LAMA1: variants seen among roughly 807,000 people sequenced by gnomAD.
LAMA1 encodes laminin subunit alpha 1, also known as laminin subunit alpha-1.
A neutral mutation model predicts 348.7 loss-of-function variants in LAMA1; 219 were observed. The ratio of observed to expected loss-of-function variants is 0.63; its 90% confidence interval spans 0.56 to 0.70. LAMA1 has a LOEUF of 0.70. Among genes scored for constraint, LAMA1 ranks in the 30% least tolerant of loss-of-function variants. The pLI is 0.00. For synonymous variants in LAMA1, 1,487 were observed against 1,491.0 expected (o/e 1.00, Z 0.06); for missense variants, 3,744 against 3,888.0 (o/e 0.96, Z 0.99).
intron 28 of LAMA1, 132 bp from the exon 29 acceptor site, chr18:7,007,408 G>C: frequency 2.5e-6 from 2 of 802,386 alleles, no homozygotes; most frequent in Non-Finnish European, 3.8e-6. Flanking sequence ...ATCTCTATCA[G>C]AGAAATGCAA....
At chr18:7,013,461 G>A (rs570788800) in intron 23 of LAMA1, among the ~76,000 whole-genome samples, 1 of 152,146 alleles carries the variant, frequency 6.6e-6, no homozygotes, top group Non-Finnish European at 1.5e-5. Context: ...CAGCACATAC[G>A]GGAGCCCAAT....
chr18:7,044,658 A>C, intron 7 of LAMA1, 64 bp downstream of exon 7: 1 of 1,240,258 alleles, frequency 8.1e-7, no homozygotes, highest in South Asian at 1.2e-5. Flanking sequence ...TTGTTAAGAC[A>C]CCATAAACTT....
At chr18:7,034,374 A>C in intron 14 of LAMA1, 105 bp downstream of exon 14, 1 of 832,356 alleles carries the variant, frequency 1.2e-6, no homozygotes, top group Non-Finnish European at 2.0e-6. Flanking sequence ...CTGTGTCCTT[A>C]ATATAATGAA....
At chr18:7,061,624 T>C (rs1331949902) in intron 3 of LAMA1, among the ~76,000 whole-genome samples, 1 of 152,246 alleles carries the variant, frequency 6.6e-6, no homozygotes, top group Non-Finnish European at 1.5e-5. Flanking sequence ...CATTTGTTCA[T>C]GTTGGGACAG....
chr18:7,012,039 G>A lies in LAMA1; in HGVS notation c.3463C>T (p.Leu1155=). The part of the protein sequence containing the change: ...LGCSPCFCSG[L]SHLCSELEDY... ...TCCAGCTCTGAGCAGAGGTGGGACA[G>A]CCCGGAGCAGAAGCACGGGCTGCAG... Residue 1155 remains leucine (L), a synonymous_variant, in exon 24 of 63, where the codon CTG becomes TTG. Transcript: ENST00000389658. The A allele has an allele frequency of 1.2e-6, 2 of 1,611,034 alleles. No individual in the cohort carries two copies. Among genetic ancestry groups the A allele is most frequent in the South Asian group, 1.1e-5 (1 of 90,496 alleles).
chr18:7,046,452 G>A, intron 5 of LAMA1, 85 bp from the exon 6 acceptor site: 1 of 769,336 alleles, frequency 1.3e-6, no homozygotes, highest in South Asian at 1.5e-5. Flanking sequence ...AATATCTCAT[G>A]TAGTTTAAGA....
In LAMA1 at chr18:6,956,309, T is replaced by A. The variant is rs73938518; in HGVS notation, c.8094+327A>T. 419 of 437,988 alleles carry A rather than the reference T, an allele frequency of 9.6e-4. 1 individual carries two copies. Among genetic ancestry groups the A allele is most frequent in the African/African-American group, 7.5e-3 (374 of 49,972 alleles). The allele number at this position is 437,988 out of a possible 1,614,324, so 27.1% of individuals were successfully genotyped here. A position where few individuals can be genotyped will look rare whatever the true frequency, so the allele number is the denominator to read the frequency against. ...CAAATATGTGCACAATGGCTTTACA[T>A]GAAGTACTTATTTTCATGCTTTCCT... On this transcript the variant is annotated intron_variant, in intron 56 of 62. Transcript: ENST00000389658.
At chr18:6,977,133 A>G (rs1297378809) in intron 44 of LAMA1, among the ~76,000 whole-genome samples, 1 of 152,180 alleles carries the variant, frequency 6.6e-6, no homozygotes, top group East Asian at 1.9e-4. Flanking sequence ...TCTCAAAAGG[A>G]AACTTTTTCC....
chr18:7,015,623 A>G, intron 22 of LAMA1, 99 bp downstream of exon 22: 1 of 1,404,688 alleles, frequency 7.1e-7, no homozygotes, highest in East Asian at 2.3e-5. Context: ...AAAGCTATTC[A>G]ACAGATTAAA....
At chr18:7,012,680 T>C in intron 23 of LAMA1, among the ~76,000 whole-genome samples, 1 of 149,612 alleles carries the variant, frequency 6.7e-6, no homozygotes, top group East Asian at 2.0e-4. Flanking sequence ...TAATTTTGTA[T>C]TTTTAGTAGA....
chr18:7,044,649 T>C, intron 7 of LAMA1, 73 bp downstream of exon 7: 1 of 1,162,304 alleles, frequency 8.6e-7, no homozygotes, highest in Non-Finnish European at 1.3e-6. Context: ...CTATAAAAGT[T>C]GTTAAGACAC....
At chr18:7,082,518 C>T (rs73938569) in intron 1 of LAMA1, among the ~76,000 whole-genome samples, 6,404 of 152,220 alleles carry the variant, frequency 0.042, 440 homozygotes, top group African/African-American at 0.14. Flanking sequence ...GTAACACATA[C>T]ATTCTTATGT....
At chr18:7,042,663 C>T (rs2144185693) in intron 8 of LAMA1, 1 of 246,232 alleles carries the variant, frequency 4.1e-6, no homozygotes, top group Non-Finnish European at 8.0e-6. Context: ...GGCAGGCGGA[C>T]CACAAGGTCA....
rs770014307 is a variant in LAMA1, at chr18:7,041,034, A to G, written c.1262-798T>C. Among the ~76,000 whole-genome samples the G allele has an allele frequency of 5.9e-5, 9 of 152,140 alleles. 1 individual carries two copies. The highest frequency in any genetic ancestry group is 1.2e-4 in the Non-Finnish European group (8 of 68,022). On this transcript the variant is annotated intron_variant, in intron 9 of 62. Transcript: ENST00000389658. ...CAGCTAGTTTGTAAGGGGCTTCTTT[A>G]TGGGATGATGAAAATGTTCGACTCT...
At chr18:7,093,517 C>T (rs2058248318) in intron 1 of LAMA1, among the ~76,000 whole-genome samples, 1 of 152,094 alleles carries the variant, frequency 6.6e-6, no homozygotes, top group Non-Finnish European at 1.5e-5. Flanking sequence ...AATACAGCAC[C>T]TTCCACTTTT....
chr18:7,034,444 T>C (rs770099166), intron 14 of LAMA1, 35 bp downstream of exon 14: 11 of 1,479,082 alleles, frequency 7.4e-6, no homozygotes, highest in Non-Finnish European at 9.5e-6. Context: ...GGAAGTACCT[T>C]CACCGTAAGT....
intron 1 of LAMA1, among the ~76,000 whole-genome samples, chr18:7,115,903 CG>C (rs1323855527): frequency 6.6e-6 from 1 of 151,340 alleles, no homozygotes; most frequent in African/African-American, 2.4e-5. Context: ...TGTTTGAACC[CG>C]GGAGGCGGAG....
At chr18:7,073,460 T>G (rs540543260) in intron 3 of LAMA1, among the ~76,000 whole-genome samples, 4 of 152,314 alleles carry the variant, frequency 2.6e-5, no homozygotes, top group African/African-American at 9.6e-5. Context: ...ACTTTCTGTC[T>G]CTATGAACTG....
chr18:6,944,037 T>C (rs547726844), intron 61 of LAMA1, among the ~76,000 whole-genome samples: 1 of 152,172 alleles, frequency 6.6e-6, no homozygotes, highest in African/African-American at 2.4e-5. Flanking sequence ...TTCTTTGAGA[T>C]GGAGCTTCGC....
Sources: gnomAD v4.1 joint callset for allele counts (sites outside exome capture counted in the v4.1 genomes callset) on GRCh38, gnomAD v4.1.1 for gene constraint, MANE v1.5 for transcripts, NCBI Gene and HGNC (gene_info 2026-07-23, HGNC 2026-07-21) for gene names.